HMGB1: variants seen among roughly 807,000 people sequenced by gnomAD.
The protein encoded by HMGB1 is high mobility group protein B1.
For synonymous variants in HMGB1, 81 were observed against 84.0 expected (o/e 0.96, Z 0.19); for missense variants, 79 against 253.5 (o/e 0.31, Z 4.67).
At chr13:30,469,970 G>T (rs1039670543), upstream of HMGB1, among the ~76,000 whole-genome samples, 6 of 151,846 alleles carry the variant, frequency 4.0e-5, no homozygotes, top group Admixed American at 2.0e-4. Context: ...TAGAGACAAG[G>T]TCTCTCCATG....
intron 1 of HMGB1, among the ~76,000 whole-genome samples, chr13:30,505,627 A>C (rs768129340): frequency 6.6e-6 from 1 of 150,922 alleles, no homozygotes; most frequent in Non-Finnish European, 1.5e-5. Context: ...TCAACTTCTT[A>C]TTATGGAAAA....
intron 1 of HMGB1, among the ~76,000 whole-genome samples, chr13:30,555,045 T>G (rs1399988125): frequency 3.0e-4 from 41 of 137,370 alleles, no homozygotes; most frequent in Admixed American, 2.6e-3. Context: ...TTTTTTTTTT[T>G]TTTTTTTTTT....
In HMGB1 at chr13:30,463,225, T is replaced by C. The variant is rs1565994389; in HGVS notation, c.278A>G (p.Asn93Ser). 3.1e-6 allele frequency: 5 copies of C among 1,603,782 alleles called. No homozygotes were observed. The highest frequency in any genetic ancestry group is 2.2e-5 in the East Asian group (1 of 44,850). ...GETKKKFKDP[N>S]APKRPPSAFF... The stretch of plus-strand genomic sequence containing the variant: ...TACTCACGGAGGCCTCTTGGGTGCA[T>C]TGGGATCCTTGAACTTCTTTTTTGT... The change falls in exon 3 of 5, where the codon AAT becomes AGT. Residue 93 changes from asparagine to serine, a missense_variant. Physicochemically the swap from Asn to Ser is conservative, Grantham distance 46. Transcript: ENST00000341423.
chr13:30,610,863 G>T (rs549995898), intron 1 of HMGB1, among the ~76,000 whole-genome samples: 1 of 152,248 alleles, frequency 6.6e-6, no homozygotes, highest in Admixed American at 6.5e-5. Flanking sequence ...CTTATGTGGT[G>T]AGAACCATAT....
chr13:30,521,932 C>G (rs1888247644), intron 1 of HMGB1, among the ~76,000 whole-genome samples: 1 of 152,122 alleles, frequency 6.6e-6, no homozygotes, highest in Non-Finnish European at 1.5e-5. Context: ...GAACTTATAA[C>G]TCATTATGGC....
chr13:30,528,270 T>G (rs1025303143), intron 1 of HMGB1, among the ~76,000 whole-genome samples: 4 of 152,174 alleles, frequency 2.6e-5, no homozygotes, highest in Non-Finnish European at 5.9e-5. Flanking sequence ...GCCATTTACC[T>G]TCTTTCATGG....
chr13:30,568,585 C>A (rs1870292729), intron 1 of HMGB1, among the ~76,000 whole-genome samples: 2 of 152,076 alleles, frequency 1.3e-5, no homozygotes, highest in Non-Finnish European at 1.5e-5. Flanking sequence ...TAGGATGGAC[C>A]CTAAATCCAA....
At chr13:30,532,770 T>C (rs1205353888) in intron 1 of HMGB1, among the ~76,000 whole-genome samples, 2 of 152,104 alleles carry the variant, frequency 1.3e-5, no homozygotes, top group East Asian at 3.9e-4. Flanking sequence ...CGGCTGGGAT[T>C]ACAGGGGTGA....
At chr13:30,609,113 A>C (rs1407673726) in intron 1 of HMGB1, among the ~76,000 whole-genome samples, 3 of 151,740 alleles carry the variant, frequency 2.0e-5, no homozygotes, top group African/African-American at 7.2e-5. Flanking sequence ...AATACAAAAA[A>C]TTAGCCCGGC....
intron 1 of HMGB1, among the ~76,000 whole-genome samples, chr13:30,497,407 T>G (rs1257615469): frequency 2.0e-5 from 3 of 151,196 alleles, no homozygotes; most frequent in Non-Finnish European, 2.9e-5. Flanking sequence ...CTTTTTGTAT[T>G]TTTAGTAGAG....
rs554077547 is a variant in HMGB1 at position 30,504,894 on chromosome 13, C to T, written c.-14-41200G>A. On this transcript the variant is annotated intron_variant, in intron 1 of 4. Transcript: ENST00000405805. ...TTCCCCCTACACTGGTAAATAATTA[C>T]GTTTATCACATGACTGGCAAAAATG... 7.2e-5 allele frequency among the ~76,000 whole-genome samples: 11 copies of T among 151,960 alleles called. No individual in the cohort carries two copies. In the South Asian group the frequency reaches 1.5e-3, roughly 20 times the overall value.
intron 1 of HMGB1, among the ~76,000 whole-genome samples, chr13:30,547,329 C>T (rs188087785): frequency 1.1e-3 from 175 of 152,298 alleles, no homozygotes; most frequent in African/African-American, 4.1e-3. Context: ...AATATTGTTG[C>T]TAAACATTTT....
At chr13:30,597,776 T>C (rs1255780157) in intron 1 of HMGB1, among the ~76,000 whole-genome samples, 1 of 152,090 alleles carries the variant, frequency 6.6e-6, no homozygotes, top group Admixed American at 6.6e-5. Context: ...TCCTTAAAAA[T>C]GTAAAAATCA....
upstream of HMGB1, among the ~76,000 whole-genome samples, chr13:30,470,158 T>C (rs1170019330): frequency 6.6e-6 from 1 of 151,752 alleles, no homozygotes; most frequent in African/African-American, 2.4e-5. Flanking sequence ...TCCCAAAATG[T>C]TGGGATTACA....
rs1353658479 is a variant in HMGB1, at chr13:30,537,655, A to C, written c.-14-73961T>G. Among the ~76,000 whole-genome samples the C allele has an allele frequency of 5.6e-4, 23 of 41,036 alleles. No individual in the cohort carries two copies. The African/African-American group carries it at 5.8e-3, about 10-fold the overall frequency. The allele number at this position is 41,036 out of a possible 152,430, so 26.9% of individuals were successfully genotyped here. ...TGGCAATTCATTCATTCTTGTTCAT[A>C]TATATATATATATATATATATATAT... On this transcript the variant is annotated intron_variant, in intron 1 of 4. Transcript: ENST00000405805.
intron 1 of HMGB1, among the ~76,000 whole-genome samples, chr13:30,609,399 G>T (rs1950492853): frequency 6.6e-6 from 1 of 152,204 alleles, no homozygotes; most frequent in African/African-American, 2.4e-5. Flanking sequence ...CCAAGCAGCT[G>T]CAGTTTTAAC....
exon 1 of HMGB1, chr13:30,617,589 C>T (rs1593351763): frequency 6.6e-6 from 1 of 152,304 alleles, no homozygotes; most frequent in African/African-American, 2.4e-5. Context: ...CGTAATCCCT[C>T]CGCAGAAAGC....
At chr13:30,490,732 A>T (rs1887471236) in intron 1 of HMGB1, among the ~76,000 whole-genome samples, 1 of 152,100 alleles carries the variant, frequency 6.6e-6, no homozygotes, top group Admixed American at 6.6e-5. Flanking sequence ...GCAATGAGCT[A>T]TGATCACACC....
rs1869848022 is a variant in HMGB1 at position 30,559,436 on chromosome 13, A to G, written c.-15+57235T>C. Among the ~76,000 whole-genome samples, 1 of 152,182 alleles carries G rather than the reference A, an allele frequency of 6.6e-6. No individual in the cohort carries two copies. ...CTTCCTTGGGCAGTGAATTTAAATAACCTGTCAAAAGAATGAAGTGATGGA... is the reference window on the plus strand; with the variant it reads ...CTTCCTTGGGCAGTGAATTTAAATAGCCTGTCAAAAGAATGAAGTGATGGA... On this transcript the variant is annotated intron_variant, in intron 1 of 4. Coordinates refer to the HMGB1 transcript ENST00000405805. This position sits in a 1 kb window ranked among gnomAD's most constrained non-coding sequence, Gnocchi z 6.6.
Sources: allele counts gnomAD v4.1 joint callset (sites outside exome capture counted in the v4.1 genomes callset), GRCh38; gene constraint gnomAD v4.1.1; non-coding constraint Gnocchi (gnomAD v3.1); transcripts MANE v1.5; gene names NCBI Gene and HGNC (gene_info 2026-07-23, HGNC 2026-07-21).